The following WWOX variants were observed in gnomAD, a reference collection of about 807,000 sequenced individuals.
The protein encoded by WWOX is WW domain containing oxidoreductase.
A neutral mutation model predicts 46.2 loss-of-function variants in WWOX; 69 were observed. The ratio of observed to expected loss-of-function variants is 1.49; its 90% CI spans 1.23 to 1.82. WWOX has a LOEUF of 1.82. Ranked by LOEUF, WWOX falls within the 40% of genes most tolerant of loss-of-function variation. The pLI is 0.00. For missense variants in WWOX, 919 were observed against 542.6 expected, an observed-to-expected ratio of 1.69 and a Z score of -6.89; for synonymous variants, 359 against 202.6, an observed-to-expected ratio of 1.77 and a Z score of -6.56.
intron 8 of WWOX, among the ~76,000 whole-genome samples, chr16:78,513,018 C>G (rs956199916): frequency 2.6e-5 from 4 of 152,144 alleles, no homozygotes; most frequent in African/African-American, 9.7e-5. Context: ...GTGGACCTTT[C>G]ATTAGGACAA....
At chr16:78,240,744 C>T (rs566060851) in intron 5 of WWOX, among the ~76,000 whole-genome samples, 1 of 152,168 alleles carries the variant, frequency 6.6e-6, no homozygotes, top group South Asian at 2.1e-4. Context: ...AAATATTTCA[C>T]AAGAACCTGC....
Position 78,432,563 on chromosome 16 carries a change from G to A in WWOX, c.867G>A (p.Ala289=), listed in dbSNP as rs755002954. 3.9e-5 allele frequency: 63 copies of A among 1,614,042 alleles called. No individual in the cohort carries two copies. Among genetic ancestry groups the A allele is most frequent in the Admixed American group, 8.3e-5 (5 of 60,002 alleles). ...RLSPTKNDYW[A]MLAYNRSKLC... The stretch of plus-strand genomic sequence containing the variant: ...CTCCAACAAAAAACGACTATTGGGC[G>A]ATGCTGGCTTATAACAGGTCCAAGC... Residue 289 remains alanine (A), a synonymous_variant, in exon 8 of 9, where the codon GCG becomes GCA. Coordinates refer to ENST00000566780, the MANE Select transcript of WWOX (RefSeq NM_016373.4).
chr16:78,567,911 C>G (rs2044613387), intron 8 of WWOX, among the ~76,000 whole-genome samples: 2 of 152,146 alleles, frequency 1.3e-5, no homozygotes, highest in Non-Finnish European at 1.5e-5. Context: ...CCCTGCTGCC[C>G]TTGTTTTCCA....
chr16:78,724,300 C>A (rs9319525), intron 8 of WWOX, among the ~76,000 whole-genome samples: 2,212 of 152,224 alleles, frequency 0.015, 46 homozygotes, highest in African/African-American at 0.04. Context: ...TAGTTGGATT[C>A]ATTATCTCTG....
At chr16:78,296,956 C>A (rs12927876) in intron 5 of WWOX, among the ~76,000 whole-genome samples, 7,916 of 152,184 alleles carry the variant, frequency 0.052, 320 homozygotes, top group East Asian at 0.11. Flanking sequence ...TTATTAAAGT[C>A]AAGAAATCTT....
chr16:78,931,121 A>G (rs966630532), intron 8 of WWOX, among the ~76,000 whole-genome samples: 1 of 152,198 alleles, frequency 6.6e-6, no homozygotes, highest in Non-Finnish European at 1.5e-5. Flanking sequence ...TGAAAGCAAA[A>G]TAAAAGGTCC....
chr16:79,043,110 C>T (rs777155141), intron 8 of WWOX, among the ~76,000 whole-genome samples: 6 of 152,024 alleles, frequency 3.9e-5, no homozygotes, highest in South Asian at 2.1e-4. Context: ...TTCCTGGACA[C>T]GTGGGCAGGT....
chr16:78,796,510 C>G (rs114116608), intron 8 of WWOX, among the ~76,000 whole-genome samples: 208 of 152,340 alleles, frequency 1.4e-3, no homozygotes, highest in African/African-American at 4.6e-3. Flanking sequence ...CTCGAGGAGG[C>G]AAGAGAAATG....
intron 6 of WWOX, among the ~76,000 whole-genome samples, chr16:78,420,400 G>T (rs541917624): frequency 6.6e-6 from 1 of 152,070 alleles, no homozygotes; most frequent in Non-Finnish European, 1.5e-5. Flanking sequence ...TAAACAAAGC[G>T]TGGTATATTC....
At chr16:78,501,373 G>A (rs1217047611) in intron 8 of WWOX, among the ~76,000 whole-genome samples, 1 of 151,746 alleles carries the variant, frequency 6.6e-6, no homozygotes, top group East Asian at 1.9e-4. Context: ...TCCTCTAGCC[G>A]GCTGCAGCAG....
chr16:78,180,362 T>C (rs2035489853), intron 5 of WWOX, among the ~76,000 whole-genome samples: 1 of 151,690 alleles, frequency 6.6e-6, no homozygotes, highest in Non-Finnish European at 1.5e-5. Context: ...TATGGGTAAA[T>C]CCAGCTGTAC....
chr16:78,678,389 CTA>C (rs2142224447), intron 8 of WWOX, among the ~76,000 whole-genome samples: 1 of 152,246 alleles, frequency 6.6e-6, no homozygotes, highest in African/African-American at 2.4e-5. Context: ...AAATATTTAT[CTA>C]TATTGAGTGA....
intron 8 of WWOX, among the ~76,000 whole-genome samples, chr16:78,925,116 G>A (rs369053437): frequency 1.3e-5 from 2 of 152,162 alleles, no homozygotes; most frequent in African/African-American, 2.4e-5. Flanking sequence ...GATTGGTTGA[G>A]CCTGGGAGGT....
intron 5 of WWOX, among the ~76,000 whole-genome samples, chr16:78,243,329 A>G (rs1014420866): frequency 1.3e-5 from 2 of 152,196 alleles, no homozygotes. Flanking sequence ...ATATGCAAAC[A>G]TCTGTGATTT....
intron 5 of WWOX, among the ~76,000 whole-genome samples, chr16:78,379,388 T>C (rs990083128): frequency 7.2e-5 from 11 of 152,032 alleles, no homozygotes; most frequent in Non-Finnish European, 1.6e-4. Flanking sequence ...TAAAAGAGAA[T>C]TTCCTCCAGA....
intron 8 of WWOX, among the ~76,000 whole-genome samples, chr16:78,861,555 C>G (rs1022857418): frequency 6.6e-6 from 1 of 152,120 alleles, no homozygotes; most frequent in Non-Finnish European, 1.5e-5. Flanking sequence ...TATTCATAGA[C>G]ATTTTGAGTA....
chr16:78,616,111 C>T (rs2550585), intron 8 of WWOX, among the ~76,000 whole-genome samples: 1 of 152,054 alleles, frequency 6.6e-6, no homozygotes, highest in Non-Finnish European at 1.5e-5. Flanking sequence ...GTAGAATTCC[C>T]TACCCTGTGT....
At chr16:78,209,482 T>C (rs555860300) in intron 5 of WWOX, among the ~76,000 whole-genome samples, 1 of 152,330 alleles carries the variant, frequency 6.6e-6, no homozygotes, top group South Asian at 2.1e-4. Flanking sequence ...AGAAATTGTC[T>C]TAGGCCCAAA....
Position 78,952,415 on chromosome 16 carries a change from C to T in WWOX, c.1057-259193C>T, listed in dbSNP as rs578081650. Among the ~76,000 whole-genome samples, 4 of 149,940 alleles carry T rather than the reference C, an allele frequency of 2.7e-5. No individual in the cohort carries two copies. In the South Asian group the frequency reaches 6.3e-4, roughly 24 times the overall value. On this transcript the variant is annotated intron_variant, in intron 8 of 8. Transcript: ENST00000566780. ...TTTTTTTTTTGAGACAAAAGTCTCG[C>T]TCTGTCCCCCACGCTGGAGTACAGT...
Sources: gnomAD v4.1 joint callset for allele counts (sites outside exome capture counted in the v4.1 genomes callset) on GRCh38, gnomAD v4.1.1 for gene constraint, MANE v1.5 for transcripts, NCBI Gene and HGNC (gene_info 2026-07-23, HGNC 2026-07-21) for gene names.